B3GALT1: variants seen among roughly 807,000 people sequenced by gnomAD.
The protein encoded by B3GALT1 is beta-1,3-galactosyltransferase 1, also known as UDP-Gal:betaGlcNAc beta 1,3-galactosyltransferase, polypeptide 1.
A neutral mutation model predicts 23.2 loss-of-function variants in B3GALT1; 10 were observed. The observed-to-expected ratio is 0.43, with a 90% CI of 0.27 to 0.73. The LOEUF (loss-of-function observed/expected upper bound fraction) is 0.73, where lower values mean the gene tolerates loss of function less well. Ranked by LOEUF, B3GALT1 falls within the 30% of genes least tolerant of loss-of-function variation. The probability of loss-of-function intolerance (pLI) is 0.21; values close to 1 mark genes in which losing one functional copy is unlikely to be tolerated. For missense variants in B3GALT1, 299 were observed against 405.4 expected (o/e 0.74, Z 2.25); for synonymous variants, 156 against 141.5 (o/e 1.10, Z -0.73).
chr2:167,807,676 AAC>A (rs1688783700), intron 3 of B3GALT1, among the ~76,000 whole-genome samples: 1 of 152,066 alleles, frequency 6.6e-6, no homozygotes, highest in South Asian at 2.1e-4. Flanking sequence ...TGTGGTCTGA[AAC>A]ACAGTTTGTT....
chr2:167,507,504 C>CA (rs60408245), intron 2 of B3GALT1, among the ~76,000 whole-genome samples: 4,402 of 26,490 alleles, frequency 0.17, 1,151 homozygotes, highest in East Asian at 0.49. Flanking sequence ...GACTCCGTCT[C>CA]AAAAAAAAAA....
chr2:167,829,524 A>AGAT (rs1215284300), intron 4 of B3GALT1, among the ~76,000 whole-genome samples: 1 of 151,952 alleles, frequency 6.6e-6, no homozygotes, highest in Admixed American at 6.6e-5. Context: ...AAAAAAAAAT[A>AGAT]GATATCTAAA....
At chr2:167,552,181 T>G (rs1412601147) in intron 2 of B3GALT1, among the ~76,000 whole-genome samples, 3 of 152,178 alleles carry the variant, frequency 2.0e-5, no homozygotes, top group Non-Finnish European at 4.4e-5. Context: ...TTGAGAGTCT[T>G]CACATCTTCG....
chr2:167,688,001 T>C (rs1410692166), intron 3 of B3GALT1, among the ~76,000 whole-genome samples: 1 of 152,178 alleles, frequency 6.6e-6, no homozygotes, highest in Non-Finnish European at 1.5e-5. Context: ...CTTTTTTCTA[T>C]GCTAGAAATT....
chr2:167,457,389 T>C (rs145147565), intron 1 of B3GALT1, among the ~76,000 whole-genome samples: 2,000 of 151,966 alleles, frequency 0.013, 49 homozygotes, highest in African/African-American at 0.045. Flanking sequence ...GGCAGGCTGG[T>C]CTTGAACTCC....
intron 4 of B3GALT1, among the ~76,000 whole-genome samples, chr2:167,839,385 CA>C (rs1689577415): frequency 1.3e-5 from 2 of 152,212 alleles, no homozygotes; most frequent in Non-Finnish European, 2.9e-5. Flanking sequence ...ACACCAATAA[CA>C]GACAAACAGA....
At chr2:167,504,170 G>GA (rs5836145) in intron 2 of B3GALT1, among the ~76,000 whole-genome samples, 152,282 of 152,338 alleles carry the variant, frequency 1, 76,113 homozygotes, top group East Asian at 1. Context: ...AGGTATACTT[G>GA]ATCACATTGA....
intron 2 of B3GALT1, among the ~76,000 whole-genome samples, chr2:167,580,363 T>C (rs1684461221): frequency 6.6e-6 from 1 of 152,170 alleles, no homozygotes; most frequent in Non-Finnish European, 1.5e-5. Context: ...CCGACTTCTC[T>C]TGTCTAACTT....
chr2:167,307,412 A>C (rs1696567560), intron 1 of B3GALT1, among the ~76,000 whole-genome samples: 1 of 152,076 alleles, frequency 6.6e-6, no homozygotes, highest in Non-Finnish European at 1.5e-5. Flanking sequence ...CAAGAATATG[A>C]GTGTCATCTT....
chr2:167,825,763 C>G (rs1364142549), intron 4 of B3GALT1, among the ~76,000 whole-genome samples: 1 of 152,120 alleles, frequency 6.6e-6, no homozygotes, highest in Non-Finnish European at 1.5e-5. Context: ...TTGTCTCGGG[C>G]TTGGGCAGGG....
chr2:167,636,879 A>G (rs1306124224), intron 2 of B3GALT1, among the ~76,000 whole-genome samples: 1 of 152,006 alleles, frequency 6.6e-6, no homozygotes, highest in Admixed American at 6.6e-5. Context: ...AGAAATACCT[A>G]ATGTAGGTGA....
chr2:167,379,273 A>G (rs1697808235), intron 1 of B3GALT1, among the ~76,000 whole-genome samples: 1 of 152,142 alleles, frequency 6.6e-6, no homozygotes, highest in African/African-American at 2.4e-5. Context: ...AACGGCCCCC[A>G]TGATTCAGTT....
At chr2:167,434,581 T>C (rs1437084929) in intron 1 of B3GALT1, among the ~76,000 whole-genome samples, 3 of 151,618 alleles carry the variant, frequency 2.0e-5, no homozygotes, top group African/African-American at 7.3e-5. Context: ...AAAATACACT[T>C]CTGTGTATTA....
rs542258358 is a variant in B3GALT1 at position 167,539,375 on chromosome 2, T to C, written c.-410+49098T>C. The stretch of plus-strand genomic sequence containing the variant: ...GACAAAAATAAAGTGAAAATACCTG[T>C]AATTTCTCCGAGTGGTAAAGTTATA... On this transcript the variant is annotated intron_variant, in intron 2 of 4. Coordinates refer to ENST00000392690, the MANE Select transcript of B3GALT1 (RefSeq NM_020981.4). 7.2e-5 allele frequency among the ~76,000 whole-genome samples: 11 copies of C among 152,264 alleles called. No individual in the cohort carries two copies. The South Asian group carries it at 2.3e-3, about 32-fold the overall frequency.
intron 2 of B3GALT1, among the ~76,000 whole-genome samples, chr2:167,624,707 G>C (rs536438091): frequency 1.2e-4 from 19 of 152,010 alleles, no homozygotes; most frequent in Non-Finnish European, 2.2e-4. Context: ...TTAGCTCTTT[G>C]GTTTGCCATG....
chr2:167,655,890 A>T (rs976895809), intron 3 of B3GALT1, among the ~76,000 whole-genome samples: 1 of 152,190 alleles, frequency 6.6e-6, no homozygotes, highest in Non-Finnish European at 1.5e-5. Context: ...CAAACTAATG[A>T]AAATGCCTGA....
At chr2:167,772,363 T>C (rs940326082) in intron 3 of B3GALT1, among the ~76,000 whole-genome samples, 8 of 152,198 alleles carry the variant, frequency 5.3e-5, no homozygotes, top group Admixed American at 3.9e-4. Flanking sequence ...TTAGTTCTCA[T>C]AACAACCCTG....
At position 167,830,449 on chromosome 2, in the gene B3GALT1, T is replaced by TCA. The variant is rs576148207; in HGVS notation, c.-230+11657_-230+11658dup. 1.8e-4 allele frequency among the ~76,000 whole-genome samples: 27 copies of TCA among 152,316 alleles called. No homozygotes were observed. In the East Asian group the frequency reaches 5.2e-3, roughly 29 times the overall value. On this transcript the variant is annotated intron_variant, in intron 4 of 4. Transcript: ENST00000392690. ...TTCCCCAGCCTTCAGTGAAATGCTT[T>TCA]CAGGCTTTCACGTGAAAAGTTTGTA...
At chr2:167,700,778 C>A (rs1252528597) in intron 3 of B3GALT1, among the ~76,000 whole-genome samples, 1 of 152,066 alleles carries the variant, frequency 6.6e-6, no homozygotes, top group Non-Finnish European at 1.5e-5. Flanking sequence ...AATAGTGTGA[C>A]CCACAGGCTC....
Sources: gnomAD v4.1 joint callset for allele counts (sites outside exome capture counted in the v4.1 genomes callset) on GRCh38, gnomAD v4.1.1 for gene constraint, MANE v1.5 for transcripts, NCBI Gene and HGNC (gene_info 2026-07-23, HGNC 2026-07-21) for gene names.